The following ANKS1B variants were observed in gnomAD, a reference collection of about 807,000 sequenced individuals.
ANKS1B encodes the protein ankyrin repeat and sterile alpha motif domain containing 1B.
In ANKS1B, 36 loss-of-function variants were observed where a neutral mutation model predicts 148.3. That is an observed-to-expected ratio of 0.24 (90% confidence interval 0.19 to 0.32). ANKS1B has a LOEUF of 0.32. Among genes scored for constraint, ANKS1B ranks in the 10% least tolerant of loss-of-function variants. The probability of loss-of-function intolerance (pLI) is 1.00; values close to 1 mark genes in which losing one functional copy is unlikely to be tolerated. For synonymous variants in ANKS1B, 542 were observed against 560.8 expected, an observed-to-expected ratio of 0.97 and a Z score of 0.47; for missense variants, 1,157 against 1,542.6, an observed-to-expected ratio of 0.75 and a Z score of 4.19.
chr12:98,846,351 C>A (rs1280842362), intron 17 of ANKS1B, among the ~76,000 whole-genome samples: 10 of 152,184 alleles, frequency 6.6e-5, no homozygotes, highest in Admixed American at 6.5e-4. Context: ...AAAAAGAATC[C>A]ATTTGGGGGA....
intron 14 of ANKS1B, among the ~76,000 whole-genome samples, chr12:99,179,181 C>T (rs1345495278): frequency 6.6e-6 from 1 of 152,056 alleles, no homozygotes; most frequent in Non-Finnish European, 1.5e-5. Context: ...ATAATCCCAG[C>T]ACTTTGGGAG....
chr12:99,580,181 C>A (rs1224642929), intron 9 of ANKS1B, among the ~76,000 whole-genome samples: 3 of 151,992 alleles, frequency 2.0e-5, no homozygotes, highest in African/African-American at 7.2e-5. Flanking sequence ...GGAACAAACA[C>A]TGGGGCCTAC....
intron 9 of ANKS1B, among the ~76,000 whole-genome samples, chr12:99,589,650 T>G (rs2097679701): frequency 6.6e-6 from 1 of 152,196 alleles, no homozygotes; most frequent in Admixed American, 6.5e-5. Context: ...GATTCCATTT[T>G]TCTGAGCAAA....
intron 14 of ANKS1B, among the ~76,000 whole-genome samples, chr12:99,234,083 T>C (rs974993): frequency 3.3e-5 from 5 of 152,100 alleles, no homozygotes; most frequent in African/African-American, 1.2e-4. Context: ...ACATAAGTGT[T>C]CAAAAAACTA....
chr12:99,279,962 C>A (rs866053157), intron 12 of ANKS1B, among the ~76,000 whole-genome samples: 1 of 151,982 alleles, frequency 6.6e-6, no homozygotes, highest in African/African-American at 2.4e-5. Context: ...TGTGATCGCA[C>A]AACTGCACTC....
chr12:99,872,262 G>A (rs2091607629), intron 1 of ANKS1B, among the ~76,000 whole-genome samples: 1 of 152,058 alleles, frequency 6.6e-6, no homozygotes, highest in Non-Finnish European at 1.5e-5. Flanking sequence ...GCATGTGTGT[G>A]TATACCAGTT....
intron 10 of ANKS1B, among the ~76,000 whole-genome samples, chr12:99,458,164 C>G (rs1355203282): frequency 1.3e-5 from 2 of 151,952 alleles, no homozygotes; most frequent in Non-Finnish European, 2.9e-5. Flanking sequence ...GAATAACCTA[C>G]TCCTGAATGA....
At chr12:99,575,211 A>G (rs1265609959) in intron 9 of ANKS1B, among the ~76,000 whole-genome samples, 1 of 152,098 alleles carries the variant, frequency 6.6e-6, no homozygotes, top group Non-Finnish European at 1.5e-5. Flanking sequence ...AAACCTTACA[A>G]GTCAGAGAGG....
intron 15 of ANKS1B, among the ~76,000 whole-genome samples, chr12:99,146,076 A>G (rs1284180863): frequency 1.3e-5 from 2 of 152,132 alleles, no homozygotes; most frequent in African/African-American, 2.4e-5. Context: ...CTTACAGTAT[A>G]TGGTGAGAAT....
intron 9 of ANKS1B, among the ~76,000 whole-genome samples, chr12:99,633,380 T>C (rs2098193730): frequency 1.3e-5 from 2 of 152,030 alleles, no homozygotes; most frequent in African/African-American, 4.8e-5. Context: ...AAACAAGAAA[T>C]GGGGAAAGGA....
chr12:99,425,383 G>T lies in ANKS1B; in HGVS notation c.1575+18290C>A, dbSNP rs1271319408. On this transcript the variant is annotated intron_variant, in intron 11 of 26. Coordinates refer to ENST00000683438, the MANE Select transcript of ANKS1B (RefSeq NM_001352186.2). Reference sequence around the variant, plus strand: ...TTCTAATTCTTTTCTGTTATAAATAGTAGTACAATGAATTATTTTACAGAA... The same window carrying T: ...TTCTAATTCTTTTCTGTTATAAATATTAGTACAATGAATTATTTTACAGAA... 3.3e-5 allele frequency among the ~76,000 whole-genome samples: 5 copies of T among 151,480 alleles called. 1 individual carries two copies. Among genetic ancestry groups the T allele is most frequent in the African/African-American group, 1.2e-4 (5 of 41,268 alleles).
At chr12:98,975,948 G>A (rs545636843) in intron 17 of ANKS1B, among the ~76,000 whole-genome samples, 10 of 152,276 alleles carry the variant, frequency 6.6e-5, no homozygotes, top group South Asian at 2.1e-4. Flanking sequence ...ACCAAACCAC[G>A]TGCTGAGTAA....
chr12:99,089,863 G>T (rs897210124), intron 15 of ANKS1B, among the ~76,000 whole-genome samples: 13 of 152,076 alleles, frequency 8.5e-5, no homozygotes, highest in African/African-American at 3.1e-4. Flanking sequence ...ACTGCATAAG[G>T]TGTTTAAATA....
chr12:99,869,099 G>A (rs1169178336), intron 1 of ANKS1B, among the ~76,000 whole-genome samples: 1 of 151,884 alleles, frequency 6.6e-6, no homozygotes, highest in Non-Finnish European at 1.5e-5. Context: ...TAAATGGAGA[G>A]ATATATCATG....
chr12:99,560,083 T>C (rs1317118433), intron 9 of ANKS1B, among the ~76,000 whole-genome samples: 1 of 152,174 alleles, frequency 6.6e-6, no homozygotes, highest in East Asian at 1.9e-4. Context: ...CATTCAGTAA[T>C]ACAGCTGAGG....
intron 1 of ANKS1B, among the ~76,000 whole-genome samples, chr12:99,857,476 C>T (rs930225606): frequency 2.0e-5 from 3 of 151,998 alleles, no homozygotes; most frequent in Admixed American, 1.3e-4. Flanking sequence ...TAGCAATCTA[C>T]AAATTCAGTA....
At chr12:99,845,538 T>A (rs2153701344) in intron 1 of ANKS1B, among the ~76,000 whole-genome samples, 1 of 152,314 alleles carries the variant, frequency 6.6e-6, no homozygotes, top group South Asian at 2.1e-4. Context: ...GATGTGTTTA[T>A]GTTGAACCAG....
chr12:99,255,361 G>C (rs547293654), intron 12 of ANKS1B, among the ~76,000 whole-genome samples: 44 of 151,748 alleles, frequency 2.9e-4, no homozygotes, highest in African/African-American at 1.0e-3. Context: ...AGGTTTATTT[G>C]TGCCTTTTTA....
chr12:99,929,832 G>C lies in ANKS1B; in HGVS notation c.134+54272C>G, dbSNP rs1358829336. Among the ~76,000 whole-genome samples, 44 of 151,582 alleles carry C rather than the reference G, an allele frequency of 2.9e-4. No individual in the cohort carries two copies. In the East Asian group the frequency reaches 8.1e-3, roughly 28 times the overall value. On this transcript the variant is annotated intron_variant, in intron 1 of 26. Transcript: ENST00000683438. ...CAGATATGCGGCATTATTTCTGAGG[G>C]CTCTGTTCTGTTCCATTGGTCTATA...
Sources: allele counts gnomAD v4.1 joint callset (sites outside exome capture counted in the v4.1 genomes callset), GRCh38; gene constraint gnomAD v4.1.1; transcripts MANE v1.5; gene names NCBI Gene and HGNC (gene_info 2026-07-23, HGNC 2026-07-21).